The following ANK2 variants were observed in gnomAD, a reference collection of about 807,000 sequenced individuals.
The protein encoded by ANK2 is ankyrin 2.
ANK2 carries 83 observed loss-of-function variants against 360.5 expected under a neutral mutation model. That is an observed-to-expected ratio of 0.23 (90% confidence interval 0.19 to 0.28). ANK2 has a LOEUF of 0.28. Ranked by LOEUF, ANK2 falls within the 10% of genes least tolerant of loss-of-function variation. The pLI, the probability that ANK2 is intolerant of heterozygous loss-of-function variation, is 1.00. For missense variants in ANK2, 4,201 were observed against 4,795.7 expected (o/e 0.88, Z 3.66); for synonymous variants, 1,740 against 1,759.5 (o/e 0.99, Z 0.28).
chr4:113,344,981 G>C (rs1208473449), intron 34 of ANK2, among the ~76,000 whole-genome samples: 1 of 152,150 alleles, frequency 6.6e-6, no homozygotes, highest in Non-Finnish European at 1.5e-5. Flanking sequence ...AAGTTCTAAA[G>C]ATGGAAGGTA....
Position 113,365,023 on chromosome 4 carries a change from T to G in ANK2, c.10889-16T>G, listed in dbSNP as rs2154052497. 6.2e-7 allele frequency: 1 copy of G among 1,613,660 alleles called. No individual in the cohort carries two copies. Among genetic ancestry groups the G allele is most frequent in the Non-Finnish European group, 8.5e-7 (1 of 1,179,680 alleles). The stretch of plus-strand genomic sequence containing the variant: ...ACCTCTCAGACATAATAAATGCTGT[T>G]TCTCTAATGTGTCAGATACCAACCT... On this transcript the variant is annotated splice_polypyrimidine_tract_variant and intron_variant, in intron 40 of 45. Coordinates refer to ENST00000357077, the MANE Select transcript of ANK2 (RefSeq NM_001148.6).
chr4:113,191,213 T>G (rs1462055090), intron 2 of ANK2, among the ~76,000 whole-genome samples: 1 of 152,090 alleles, frequency 6.6e-6, no homozygotes, highest in Non-Finnish European at 1.5e-5. Context: ...TGTGGTGGCA[T>G]GTGCCTGTAA....
chr4:113,225,361 A>T (rs750831441), intron 4 of ANK2, among the ~76,000 whole-genome samples: 29 of 151,976 alleles, frequency 1.9e-4, no homozygotes, highest in Non-Finnish European at 3.4e-4. Flanking sequence ...TGAGAGCAGG[A>T]CCCCCCAGTG....
At chr4:112,761,778 T>G in the ANK2 span, among the ~76,000 whole-genome samples, 1 of 152,262 alleles carries the variant, frequency 6.6e-6, no homozygotes, top group Non-Finnish European at 1.5e-5. Context: ...CTCATACTGT[T>G]GCATGAAAAA....
chr4:113,022,412 C>A (rs542308471), intron 2 of ANK2, among the ~76,000 whole-genome samples: 146 of 152,214 alleles, frequency 9.6e-4, no homozygotes, highest in African/African-American at 3.3e-3. Context: ...GGCTCTAGTT[C>A]AAATGCTTCA....
Position 112,842,461 on chromosome 4 carries a change from C to T in ANK2, c.-40+24197C>T, listed in dbSNP as rs567863851. On this transcript the variant is annotated intron_variant, in intron 1 of 30. Coordinates refer to the ANK2 transcript ENST00000503271. ...ATCCAGTGGTCCCCAACCTTTTTGG[C>T]ACGAGGGACGGGTTTCATGGAAGAC... Among the ~76,000 whole-genome samples the T allele has an allele frequency of 5.3e-5, 8 of 152,292 alleles. No homozygotes were observed. In the South Asian group the frequency reaches 1.7e-3, roughly 32 times the overall value.
chr4:112,886,682 C>CA (rs1210766111), intron 1 of ANK2, among the ~76,000 whole-genome samples: 2 of 151,782 alleles, frequency 1.3e-5, no homozygotes, highest in Non-Finnish European at 2.9e-5. Flanking sequence ...AACAAACAGA[C>CA]AAAAAACAAA....
chr4:113,284,178 G>A (rs984383817), intron 18 of ANK2, among the ~76,000 whole-genome samples: 5 of 152,170 alleles, frequency 3.3e-5, no homozygotes, highest in East Asian at 1.9e-4. Context: ...GTGAAATTCC[G>A]TGTATCAGAT....
At chr4:112,841,170 C>A (rs2062004847) in intron 1 of ANK2, among the ~76,000 whole-genome samples, 1 of 63,166 alleles carries the variant, frequency 1.6e-5, no homozygotes, top group Non-Finnish European at 2.7e-5. Context: ...TCCTTCACTG[C>A]CTGAAGACTG....
At chr4:113,264,189 G>C (rs2054608550) in intron 13 of ANK2, among the ~76,000 whole-genome samples, 1 of 149,860 alleles carries the variant, frequency 6.7e-6, no homozygotes, top group Non-Finnish European at 1.5e-5. Flanking sequence ...TTTTTGTCTA[G>C]TCTCATAACA....
At chr4:112,835,517 T>A (rs1389680893) in intron 1 of ANK2, among the ~76,000 whole-genome samples, 2 of 152,186 alleles carry the variant, frequency 1.3e-5, no homozygotes, top group African/African-American at 4.8e-5. Flanking sequence ...TCTGTGTGTA[T>A]GAATTTAGTA....
At chr4:113,251,988 C>T (rs866216599) in intron 10 of ANK2, among the ~76,000 whole-genome samples, 5 of 152,138 alleles carry the variant, frequency 3.3e-5, no homozygotes, top group South Asian at 4.2e-4. Flanking sequence ...TGTATTAGTC[C>T]GTTTCACGCT....
chr4:113,193,653 A>G (rs1390914665), intron 2 of ANK2, among the ~76,000 whole-genome samples: 2 of 152,172 alleles, frequency 1.3e-5, no homozygotes, highest in Admixed American at 1.3e-4. Flanking sequence ...ATCTACATTT[A>G]TGGCACGTAT....
intron 1 of ANK2, among the ~76,000 whole-genome samples, chr4:113,102,198 G>A (rs1482337506): frequency 6.6e-6 from 1 of 151,918 alleles, no homozygotes; most frequent in African/African-American, 2.4e-5. Flanking sequence ...GCTGGTGGCT[G>A]TGGGGATGAA....
At position 112,824,753 on chromosome 4, in the gene ANK2, C is replaced by A. The variant is rs151040837; in HGVS notation, c.-40+6489C>A. 2.6e-3 allele frequency among the ~76,000 whole-genome samples: 401 copies of A among 151,824 alleles called. 4 individuals carry two copies. Among genetic ancestry groups the A allele is most frequent in the Admixed American group, 0.024 (363 of 15,230 alleles). Reference sequence around the variant, plus strand: ...TCCTGACCAGGTGATCTACCCACCTCGGCCTCTCAAAGTGCTGGGATTATA... The same window carrying A: ...TCCTGACCAGGTGATCTACCCACCTAGGCCTCTCAAAGTGCTGGGATTATA... On this transcript the variant is annotated intron_variant, in intron 1 of 30. Transcript: ENST00000503271.
Position 113,353,770 on chromosome 4 carries a change from G to A in ANK2, c.5152G>A (p.Gly1718Ser), listed in dbSNP as rs759700924. ...AGAAAAGCAGAAACAAAAAGAGGAAGGTTTACAAGCTAGTGCAGAGAAAGC... is the reference window on the plus strand; with the variant it reads ...AGAAAAGCAGAAACAAAAAGAGGAAAGTTTACAAGCTAGTGCAGAGAAAGC... ...LKEKQKQKEE[G>S]LQASAEKAEL... Residue 1718 changes from glycine to serine, a missense_variant, in exon 38 of 46, where the codon GGT becomes AGT. Gly to Ser is a moderately conservative substitution (Grantham distance 56). Around this residue, in one of 4 missense-constraint regions of ANK2, gnomAD observed 2,642 missense variants for 2,714.5 expected, o/e 0.97. Transcript: ENST00000357077. The A allele has an allele frequency of 1.2e-6, 2 of 1,613,802 alleles. No individual in the cohort carries two copies. Among genetic ancestry groups the A allele is most frequent in the South Asian group, 2.2e-5 (2 of 91,034 alleles).
chr4:112,920,841 C>T (rs1031366672), intron 2 of ANK2, among the ~76,000 whole-genome samples: 3 of 152,006 alleles, frequency 2.0e-5, no homozygotes, highest in Admixed American at 6.6e-5. Context: ...TCTCTTGTGC[C>T]TCACCTCCCA....
intron 2 of ANK2, among the ~76,000 whole-genome samples, chr4:113,026,133 G>T (rs560221628): frequency 2.6e-5 from 4 of 152,054 alleles, no homozygotes; most frequent in African/African-American, 9.7e-5. Flanking sequence ...ACGTGGCCAC[G>T]GACACTTGGG....
chr4:113,013,590 C>T (rs1381732221), intron 2 of ANK2, among the ~76,000 whole-genome samples: 1 of 152,156 alleles, frequency 6.6e-6, no homozygotes, highest in Non-Finnish European at 1.5e-5. Flanking sequence ...TTGTTGCAAA[C>T]ATTACATATA....
Sources: gnomAD v4.1 joint callset for allele counts (sites outside exome capture counted in the v4.1 genomes callset) on GRCh38, gnomAD v4.1.1 for gene constraint, gnomAD v4.1.1 regional missense constraint, MANE v1.5 for transcripts, NCBI Gene and HGNC (gene_info 2026-07-23, HGNC 2026-07-21) for gene names.